HSDL2: variants seen among roughly 807,000 people sequenced by gnomAD.
The protein encoded by HSDL2 is hydroxysteroid dehydrogenase like 2.
Under a neutral mutation model 46.3 loss-of-function variants are expected in HSDL2, and 27 were observed. The ratio of observed to expected loss-of-function variants is 0.58; its 90% confidence interval spans 0.43 to 0.80. The LOEUF is 0.80. Ranked by LOEUF, HSDL2 falls within the 30% of genes least tolerant of loss-of-function variation. The pLI is 0.00. For missense variants in HSDL2, 451 were observed against 502.7 expected, an observed-to-expected ratio of 0.90 and a Z score of 0.98; for synonymous variants, 153 against 163.6, an observed-to-expected ratio of 0.94 and a Z score of 0.50.
intron 5 of HSDL2, among the ~76,000 whole-genome samples, chr9:112,417,781 T>TAAA (rs34381614): frequency 1.4e-5 from 2 of 143,616 alleles, no homozygotes; most frequent in African/African-American, 5.1e-5. Context: ...CTTTCATTCT[T>TAAA]AAAAAAAAAA....
chr9:112,423,794 A>G (rs1377110106), intron 6 of HSDL2, among the ~76,000 whole-genome samples: 2 of 151,616 alleles, frequency 1.3e-5, no homozygotes, highest in African/African-American at 2.4e-5. Flanking sequence ...GCTCACTGCA[A>G]CCTCTGCCTC....
chr9:112,419,196 A>G (rs1304435152), intron 6 of HSDL2, among the ~76,000 whole-genome samples: 4 of 151,936 alleles, frequency 2.6e-5, no homozygotes, highest in Non-Finnish European at 5.9e-5. Flanking sequence ...TTTAGTAGAG[A>G]CAGGGTTTCA....
chr9:112,424,189 C>T (rs1435517845), intron 6 of HSDL2, among the ~76,000 whole-genome samples: 2 of 150,662 alleles, frequency 1.3e-5, no homozygotes, highest in East Asian at 2.0e-4. Context: ...GGCATAGTGG[C>T]GGGCGCCTGT....
Position 112,441,730 on chromosome 9 carries a change from T to G in HSDL2, c.825T>G (p.Asp275Glu). The G allele has an allele frequency of 6.2e-7, 1 of 1,613,058 alleles. No homozygotes were observed. Among genetic ancestry groups the G allele is most frequent in the East Asian group, 2.2e-5 (1 of 44,786 alleles). ...GHPLQPDFFL[D>E]EYPEAVSKKV... ...CTTTGCAACCAGATTTCTTCTTAGA[T>G]GAATACCCAGAAGCAGTTAGCAAGA... Residue 275 changes from aspartate (D) to glutamate (E), a missense_variant, in exon 8 of 11, where the codon GAT (aspartate) becomes GAG (glutamate). Physicochemically the swap from Asp to Glu is conservative, Grantham distance 45 (BLOSUM62 2). Coordinates refer to ENST00000398805, the MANE Select transcript of HSDL2 (RefSeq NM_032303.5).
intron 6 of HSDL2, among the ~76,000 whole-genome samples, chr9:112,436,960 C>CTCT (rs1832539434): frequency 7.9e-6 from 1 of 126,782 alleles, no homozygotes; most frequent in Admixed American, 8.7e-5. Flanking sequence ...TTCTTTTTTT[C>CTCT]TTTTTTTTTT....
At position 112,404,147 on chromosome 9, in the gene HSDL2, C is replaced by T; in HGVS notation, c.170C>T (p.Ala57Val). ...AAACTTCTAGGCACAATCTATACTGCTGCTGAAGAAAGTGAGTGTGACAGT... is the reference window on the plus strand; with the variant it reads ...AAACTTCTAGGCACAATCTATACTGTTGCTGAAGAAAGTGAGTGTGACAGT... The part of the protein sequence containing the change: ...HPKLLGTIYT[A>V]AEEIEAVGGK... The change falls in exon 2 of 11, where the codon GCT (alanine) becomes GTT (valine). Residue 57 changes from alanine (A) to valine (V), a missense_variant. Ala to Val is a moderately conservative substitution (Grantham distance 64). Coordinates refer to ENST00000398805, the MANE Select transcript of HSDL2 (RefSeq NM_032303.5). The T allele has an allele frequency of 1.2e-6, 2 of 1,613,664 alleles. No individual in the cohort carries two copies. The highest frequency in any genetic ancestry group is 1.7e-6 in the Non-Finnish European group (2 of 1,179,802).
intron 9 of HSDL2, among the ~76,000 whole-genome samples, chr9:112,454,937 C>G (rs1587965934): frequency 6.6e-6 from 1 of 151,962 alleles, no homozygotes; most frequent in East Asian, 1.9e-4. Context: ...AACTCCTAGC[C>G]TCAAGCAATC....
At chr9:112,407,750 T>A (rs1831763403) in intron 3 of HSDL2, among the ~76,000 whole-genome samples, 1 of 152,176 alleles carries the variant, frequency 6.6e-6, no homozygotes, top group Non-Finnish European at 1.5e-5. Context: ...AAAATTGTGG[T>A]AAAATACACA....
intron 1 of HSDL2, among the ~76,000 whole-genome samples, chr9:112,395,317 T>C (rs767590578): frequency 2.6e-4 from 40 of 152,298 alleles, no homozygotes; most frequent in Middle Eastern, 3.4e-3. Flanking sequence ...GTGGTTTTCA[T>C]TGTCAGTATG....
chr9:112,454,002 A>G lies in HSDL2; in HGVS notation c.866-11A>G, dbSNP rs1396816529. 1.9e-6 allele frequency: 3 copies of G among 1,609,910 alleles called. No homozygotes were observed. The highest frequency in any genetic ancestry group is 1.3e-5 in the African/African-American group (1 of 74,578). On this transcript the variant is annotated splice_polypyrimidine_tract_variant and intron_variant, in intron 8 of 10. Coordinates refer to ENST00000398805, the MANE Select transcript of HSDL2 (RefSeq NM_032303.5). ...AGCATTAAGGTCATTTGCTTCAATAATATCTTATAGGTGCTGTTCCAGAAT... is the reference window on the plus strand; with the variant it reads ...AGCATTAAGGTCATTTGCTTCAATAGTATCTTATAGGTGCTGTTCCAGAAT...
intron 1 of HSDL2, among the ~76,000 whole-genome samples, chr9:112,388,347 G>C (rs1355376748): frequency 6.6e-6 from 1 of 151,498 alleles, no homozygotes; most frequent in African/African-American, 2.4e-5. Flanking sequence ...TGTAATCCCA[G>C]CTACTCGGGA....
chr9:112,402,216 GT>G (rs1445016650), intron 1 of HSDL2, among the ~76,000 whole-genome samples: 1 of 151,998 alleles, frequency 6.6e-6, no homozygotes, highest in African/African-American at 2.4e-5. Flanking sequence ...TATTCTTTTA[GT>G]TTTTCTTTTA....
intron 7 of HSDL2, among the ~76,000 whole-genome samples, chr9:112,440,498 C>A (rs1279816838): frequency 6.6e-6 from 1 of 152,064 alleles, no homozygotes; most frequent in Non-Finnish European, 1.5e-5. Context: ...TTTAAATCTT[C>A]TAGTGTGCAC....
intron 9 of HSDL2, among the ~76,000 whole-genome samples, chr9:112,454,396 T>C (rs901591556): frequency 9.2e-5 from 14 of 152,072 alleles, no homozygotes; most frequent in Non-Finnish European, 2.1e-4. Flanking sequence ...GGCATGATCA[T>C]GGCTCACTTC....
chr9:112,432,720 C>T (rs1394764352), intron 6 of HSDL2, among the ~76,000 whole-genome samples: 1 of 152,164 alleles, frequency 6.6e-6, no homozygotes, highest in South Asian at 2.1e-4. Flanking sequence ...ATCCAATTTA[C>T]AGTCATGTTC....
At chr9:112,384,895 A>G (rs1039042971) in intron 1 of HSDL2, among the ~76,000 whole-genome samples, 8 of 151,924 alleles carry the variant, frequency 5.3e-5, no homozygotes, top group Admixed American at 1.3e-4. Context: ...GCATCGAAAG[A>G]AAAACAGGAA....
intron 6 of HSDL2, among the ~76,000 whole-genome samples, chr9:112,431,051 CAAAA>C (rs57414181): frequency 9.4e-5 from 9 of 95,622 alleles, no homozygotes; most frequent in Non-Finnish European, 1.3e-4. Context: ...GATTCCAACT[CAAAA>C]AAAAAAAAAA....
intron 6 of HSDL2, among the ~76,000 whole-genome samples, chr9:112,425,143 TC>T (rs905323904): frequency 3.3e-5 from 5 of 152,140 alleles, no homozygotes; most frequent in African/African-American, 1.2e-4. Flanking sequence ...TGCAGTTTCT[TC>T]CCTTTTTTTA....
intron 8 of HSDL2, among the ~76,000 whole-genome samples, chr9:112,452,194 T>G (rs1430930453): frequency 1.3e-5 from 2 of 152,228 alleles, no homozygotes; most frequent in Non-Finnish European, 2.9e-5. Context: ...GAAAGGCAAT[T>G]TATATTCAGT....
Sources: gnomAD v4.1 joint callset for allele counts (sites outside exome capture counted in the v4.1 genomes callset) on GRCh38, gnomAD v4.1.1 for gene constraint, MANE v1.5 for transcripts, NCBI Gene and HGNC (gene_info 2026-07-23, HGNC 2026-07-21) for gene names.